Variants in IGSF9B observed in about 807,000 individuals in gnomAD.
The protein encoded by IGSF9B is immunoglobulin superfamily member 9B, also known as protein turtle homolog B.
IGSF9B carries 48 observed loss-of-function variants against 143.7 expected under a neutral mutation model. The observed-to-expected ratio is 0.33, with a 90% CI of 0.26 to 0.42. The LOEUF (loss-of-function observed/expected upper bound fraction) is 0.42. Ranked by LOEUF, IGSF9B falls within the 20% of genes least tolerant of loss-of-function variation. IGSF9B has a pLI of 1.00. For missense variants in IGSF9B, 1,706 were observed against 1,980.0 expected (o/e 0.86, Z 2.63); for synonymous variants, 903 against 833.1 (o/e 1.08, Z -1.44).
At position 133,936,645 on chromosome 11, in the gene IGSF9B, C is replaced by T. The variant is rs553664384; in HGVS notation, c.680-451G>A. Among the ~76,000 whole-genome samples, 39 of 152,272 alleles carry T rather than the reference C, an allele frequency of 2.6e-4. No homozygotes were observed. In the East Asian group the frequency reaches 6.8e-3, roughly 26 times the overall value. On this transcript the variant is annotated intron_variant, in intron 5 of 19. Transcript: ENST00000533871. ...GCTGCACAGACAAAGGGGGCAGCTGCGGCCAAGTCTCCCCTGAGAGGGAAC... is the reference window on the plus strand; with the variant it reads ...GCTGCACAGACAAAGGGGGCAGCTGTGGCCAAGTCTCCCCTGAGAGGGAAC...
chr11:133,902,938 G>A lies in IGSF9B; in HGVS notation c.*6131C>T, dbSNP rs1015360436. 1.3e-5 allele frequency among the ~76,000 whole-genome samples: 2 copies of A among 152,076 alleles called. No homozygotes were observed. The highest frequency in any genetic ancestry group is 4.8e-5 in the African/African-American group (2 of 41,416). Reference sequence around the variant, plus strand: ...GGGCTGGGCACTCGCCCCTCCCATGGCTTATATGAAAACCCCACACGTGCA... The same window carrying A: ...GGGCTGGGCACTCGCCCCTCCCATGACTTATATGAAAACCCCACACGTGCA... On this transcript the variant is annotated 3_prime_UTR_variant, in exon 20 of 20. Transcript: ENST00000533871.
intron 19 of IGSF9B, among the ~76,000 whole-genome samples, chr11:133,910,632 C>G (rs1939287933): frequency 6.6e-6 from 1 of 152,036 alleles, no homozygotes; most frequent in Non-Finnish European, 1.5e-5. Flanking sequence ...TATGAAACAC[C>G]CAAGTGCACG....
chr11:133,929,574 C>T, intron 12 of IGSF9B, 97 bp downstream of exon 12: 1 of 847,898 alleles, frequency 1.2e-6, no homozygotes, highest in Admixed American at 1.9e-5. Flanking sequence ...ACTGCAGCCT[C>T]CTCCTACCTC....
rs187022741 is a variant in IGSF9B at position 133,920,493 on chromosome 11, G to T, written c.3232C>A (p.Arg1078=). 885 of 1,582,696 alleles carry T rather than the reference G, an allele frequency of 5.6e-4. 4 individuals are homozygous for T. Among genetic ancestry groups the T allele is most frequent in the Non-Finnish European group, 6.8e-4 (790 of 1,163,710 alleles). ...TGCAGGGAGGTGGGGGGCAGTCCTCGGGGGAGGCCGGCCTTGGGCTGCAGA... is the reference window on the plus strand; with the variant it reads ...TGCAGGGAGGTGGGGGGCAGTCCTCTGGGGAGGCCGGCCTTGGGCTGCAGA... The part of the protein sequence containing the change: ...ESLQPKAGLP[R]GLPPTSLQVP... Residue 1078 remains arginine, a synonymous_variant, in exon 18 of 20, where the codon CGA becomes AGA. Transcript: ENST00000533871.
At chr11:133,947,337 G>A (rs1315705576) in intron 1 of IGSF9B, among the ~76,000 whole-genome samples, 2 of 152,208 alleles carry the variant, frequency 1.3e-5, no homozygotes, top group Admixed American at 1.3e-4. Flanking sequence ...GAACAGCTGA[G>A]GGGAAGCCTC....
rs183543867 is a variant in IGSF9B, at chr11:133,935,337, G to T, written c.967+280C>A. On this transcript the variant is annotated intron_variant, in intron 7 of 19. Transcript: ENST00000533871. Reference sequence around the variant, plus strand: ...CAGCCCGAGGACCACCGTTCAGAAGGAACTGCTCAAAGGTGTCTTCCTGAG... The same window carrying T: ...CAGCCCGAGGACCACCGTTCAGAAGTAACTGCTCAAAGGTGTCTTCCTGAG... Among the ~76,000 whole-genome samples the T allele has an allele frequency of 3.2e-3, 483 of 152,346 alleles. 2 individuals carry two copies. Among genetic ancestry groups the T allele is most frequent in the African/African-American group, 0.011 (442 of 41,574 alleles).
rs1450137181 is a variant in IGSF9B, at chr11:133,926,944, G to A, written c.1779C>T (p.Phe593=). The A allele has an allele frequency of 1.3e-6, 2 of 1,598,586 alleles. No individual in the cohort carries two copies. The highest frequency in any genetic ancestry group is 2.3e-5 in the East Asian group (1 of 44,094). ...AAGTGTTCACAGTGACCACCTCACTGAAGGCGCTGGTTCCCAGCTTGTTCT... is the reference window on the plus strand; with the variant it reads ...AAGTGTTCACAGTGACCACCTCACTAAAGGCGCTGGTTCCCAGCTTGTTCT... ...LAQNKLGTSA[F]SEVVTVNTLA... is the part of the protein sequence containing the mutation. Residue 593 remains phenylalanine, a synonymous_variant, in exon 13 of 20, where the codon TTC becomes TTT. Coordinates refer to ENST00000533871, the MANE Select transcript of IGSF9B (RefSeq NM_001277285.4).
chr11:133,949,836 A>C (rs1296280405), intron 1 of IGSF9B, among the ~76,000 whole-genome samples: 1 of 152,180 alleles, frequency 6.6e-6, no homozygotes, highest in Non-Finnish European at 1.5e-5. Flanking sequence ...CCCCCCTCAA[A>C]GGGGGAAAAC....
Position 133,925,933 on chromosome 11 carries a change from G to A in IGSF9B, c.1840C>T (p.Leu614=), listed in dbSNP as rs1479495758. ...ATGAGGCACCTCGGTGGGGTGACCA[G>A]CACCAGGGGTTCTGGAGTTGTAATA... ...FPITTPEPLV[L]VTPPRCLIAN... Residue 614 remains leucine, a synonymous_variant, in exon 14 of 20, where the codon CTG becomes TTG. Transcript: ENST00000533871. The A allele has an allele frequency of 1.2e-6, 2 of 1,607,570 alleles. No individual in the cohort carries two copies. Among genetic ancestry groups the A allele is most frequent in the South Asian group, 1.1e-5 (1 of 89,806 alleles).
At position 133,906,724 on chromosome 11, in the gene IGSF9B, GA is replaced by G. The variant is rs923593811; in HGVS notation, c.*2344del. Reference sequence around the variant, plus strand: ...GCTGGAATTCCCAGGAGGGTGCTCAGAAAAGTAGGCCAAATTCATCCTGAAG... The same window carrying G: ...GCTGGAATTCCCAGGAGGGTGCTCAGAAAGTAGGCCAAATTCATCCTGAAG... On this transcript the variant is annotated 3_prime_UTR_variant, in exon 20 of 20. Transcript: ENST00000533871. Among the ~76,000 whole-genome samples the G allele has an allele frequency of 6.6e-6, 1 of 152,176 alleles. No homozygotes were observed. Among genetic ancestry groups the G allele is most frequent in the Admixed American group, 6.5e-5 (1 of 15,286 alleles).
intron 5 of IGSF9B, 92 bp from the exon 6 acceptor site, chr11:133,936,286 G>A (rs754808048): frequency 3.9e-5 from 47 of 1,208,652 alleles, no homozygotes; most frequent in South Asian, 3.1e-4. Flanking sequence ...CTCAGGAAGC[G>A]GTGCCCTGAA....
At position 133,920,536 on chromosome 11, in the gene IGSF9B, G is replaced by C. The variant is rs749583966; in HGVS notation, c.3189C>G (p.Pro1063=). Residue 1063 remains proline, a synonymous_variant, in exon 18 of 20, where the codon CCC becomes CCG. Transcript: ENST00000533871. ...PAMMFPHQLP[P]CDVPESLQPK... ...GCTGCAGACTCTCGGGCACATCACA[G>C]GGTGGCAGCTGGTGGGGGAACATCA... 1 of 1,610,728 alleles carries C rather than the reference G, an allele frequency of 6.2e-7. No individual in the cohort carries two copies. The highest frequency in any genetic ancestry group is 8.5e-7 in the Non-Finnish European group (1 of 1,178,562).
chr11:133,917,410 G>A (rs1326722103), intron 18 of IGSF9B, among the ~76,000 whole-genome samples: 2 of 152,040 alleles, frequency 1.3e-5, no homozygotes, highest in Non-Finnish European at 2.9e-5. Flanking sequence ...GTCCCTGGGG[G>A]TTTCACTTCC....
intron 18 of IGSF9B, among the ~76,000 whole-genome samples, chr11:133,914,031 T>C (rs914387373): frequency 4.6e-5 from 7 of 152,164 alleles, no homozygotes; most frequent in Admixed American, 4.6e-4. Context: ...CCCTGAAAAC[T>C]GTTAGGGATT....
chr11:133,921,191 G>C lies in IGSF9B; in HGVS notation c.2534C>G (p.Thr845Arg). The C allele has an allele frequency of 6.2e-7, 1 of 1,608,972 alleles. No individual in the cohort carries two copies. Among genetic ancestry groups the C allele is most frequent in the Non-Finnish European group, 8.5e-7 (1 of 1,177,010 alleles). The part of the protein sequence containing the change: ...AKAEAEAEAT[T>R]PIELISRGPD... ...GCCTCTGCTGATGAGCTCGATGGGC[G>C]TGGTGGCCTCTGCCTCGGCCTCTGC... Residue 845 changes from threonine to arginine, a missense_variant, in exon 18 of 20, where the codon ACG becomes AGG. Coordinates refer to ENST00000533871, the MANE Select transcript of IGSF9B (RefSeq NM_001277285.4).
intron 13 of IGSF9B, among the ~76,000 whole-genome samples, chr11:133,926,206 T>A (rs1306625998): frequency 6.6e-6 from 1 of 152,226 alleles, no homozygotes; most frequent in Admixed American, 6.5e-5. Flanking sequence ...GTCATCAAAG[T>A]ATCTCCTGTG....
chr11:133,926,304 C>T (rs1376065624), intron 13 of IGSF9B, among the ~76,000 whole-genome samples: 3 of 152,236 alleles, frequency 2.0e-5, no homozygotes, highest in African/African-American at 7.2e-5. Context: ...TGGGGGTCAA[C>T]ACAAGGCCCC....
At chr11:133,935,173 C>G (rs1020191092) in intron 7 of IGSF9B, among the ~76,000 whole-genome samples, 4 of 152,224 alleles carry the variant, frequency 2.6e-5, no homozygotes, top group African/African-American at 9.6e-5. Context: ...GCCCCCGACA[C>G]AGACGCGGTG....
In IGSF9B at chr11:133,905,793, C is replaced by T. The variant is rs1298674887; in HGVS notation, c.*3276G>A. Among the ~76,000 whole-genome samples, 1 of 152,244 alleles carries T rather than the reference C, an allele frequency of 6.6e-6. No individual in the cohort carries two copies. The highest frequency in any genetic ancestry group is 2.4e-5 in the African/African-American group (1 of 41,464). ...CACTCCCAGATGCTGGGCCCAGAGCCACCCCAACAATCCAGCACAGGACCC... is the reference window on the plus strand; with the variant it reads ...CACTCCCAGATGCTGGGCCCAGAGCTACCCCAACAATCCAGCACAGGACCC... On this transcript the variant is annotated 3_prime_UTR_variant, in exon 20 of 20. Coordinates refer to ENST00000533871, the MANE Select transcript of IGSF9B (RefSeq NM_001277285.4). This position sits in a 1 kb window ranked among gnomAD's most constrained non-coding sequence, Gnocchi z 4.0.
Sources: gnomAD v4.1 joint callset for allele counts (sites outside exome capture counted in the v4.1 genomes callset) on GRCh38, gnomAD v4.1.1 for gene constraint, Gnocchi (gnomAD v3.1) non-coding constraint, MANE v1.5 for transcripts, NCBI Gene and HGNC (gene_info 2026-07-23, HGNC 2026-07-21) for gene names.